Variants in TOGARAM2 observed in about 807,000 individuals in gnomAD.
The protein encoded by TOGARAM2 is TOG array regulator of axonemal microtubules protein 2.
TOGARAM2 carries 85 observed loss-of-function variants against 93.3 expected under a neutral mutation model. The ratio of observed to expected loss-of-function variants is 0.91; its 90% CI spans 0.76 to 1.09. TOGARAM2 has a LOEUF of 1.09. Ranked by LOEUF, TOGARAM2 falls within the 50% of genes least tolerant of loss-of-function variation. The probability of loss-of-function intolerance (pLI) is 0.00; values close to 1 mark genes in which losing one functional copy is unlikely to be tolerated. For synonymous variants in TOGARAM2, 593 were observed against 552.8 expected, an observed-to-expected ratio of 1.07 and a Z score of -1.02; for missense variants, 1,277 against 1,334.5, an observed-to-expected ratio of 0.96 and a Z score of 0.67.
chr2:29,039,086 T>G (rs1666282722), intron 18 of TOGARAM2, among the ~76,000 whole-genome samples: 1 of 151,934 alleles, frequency 6.6e-6, no homozygotes, highest in Non-Finnish European at 1.5e-5. Flanking sequence ...CAGCAGAGAG[T>G]GCATCAAATC....
rs200864313 is a variant in TOGARAM2 at position 29,006,092 on chromosome 2, TGG to T, written c.830+2413_830+2414del. 8.9e-3 allele frequency among the ~76,000 whole-genome samples: 627 copies of T among 70,264 alleles called. 19 individuals carry two copies. In the East Asian group the frequency reaches 0.12, roughly 13 times the overall value. 46.1% of individuals were successfully genotyped at this position (70,264 alleles called of 152,430 possible). ...ATGTGTGAGAGCACGTGTGTGTGTG[TGG>T]GGTGCATGTGTGTGGAGTGCATATG... On this transcript the variant is annotated intron_variant, in intron 6 of 19. Transcript: ENST00000379558.
intron 18 of TOGARAM2, among the ~76,000 whole-genome samples, chr2:29,041,574 C>T (rs1666438000): frequency 6.6e-6 from 1 of 152,180 alleles, no homozygotes; most frequent in Non-Finnish European, 1.5e-5. Flanking sequence ...TTCCCAGTAG[C>T]TGGAGGATGA....
rs757468335 is a variant in TOGARAM2 at position 29,022,174 on chromosome 2, G to A, written c.1377G>A (p.Ala459=). Residue 459 remains alanine, a synonymous_variant, in exon 11 of 20, where the codon GCG becomes GCA. Transcript: ENST00000379558. ...ARHASANSLP[A]VLTLGSPEWE... ...TGAATGCAGCTAACTCATTACCTGC[G>A]GTGCTCACGTTGGGGTCTCCTGAAT... The A allele has an allele frequency of 4.1e-5, 66 of 1,613,890 alleles. No individual in the cohort carries two copies. Among genetic ancestry groups the A allele is most frequent in the African/African-American group, 5.3e-5 (4 of 74,920 alleles).
At chr2:29,011,207 C>T (rs975909321) in intron 6 of TOGARAM2, among the ~76,000 whole-genome samples, 2 of 152,224 alleles carry the variant, frequency 1.3e-5, no homozygotes, top group African/African-American at 2.4e-5. Context: ...CTGGGGAATG[C>T]GCGAGCTGCA....
intron 14 of TOGARAM2, among the ~76,000 whole-genome samples, chr2:29,030,783 C>A (rs1572754947): frequency 6.6e-6 from 1 of 152,194 alleles, no homozygotes; most frequent in East Asian, 1.9e-4. Flanking sequence ...GTGGCTCCAG[C>A]CACCAGCAAA....
At position 29,036,539 on chromosome 2, in the gene TOGARAM2, A is replaced by T. The variant is rs758490527; in HGVS notation, c.2419-2A>T. On this transcript the variant is annotated splice_acceptor_variant, in intron 17 of 19. Transcript: ENST00000379558. LOFTEE classifies it high-confidence loss of function. Reference sequence around the variant, plus strand: ...GGCTCTTGGTTTCTGTTTCTTCAATAGGTCTTTGATGCTTTCACCCCAAGG... The same window carrying T: ...GGCTCTTGGTTTCTGTTTCTTCAATTGGTCTTTGATGCTTTCACCCCAAGG... The T allele has an allele frequency of 1.9e-6, 3 of 1,613,722 alleles. No individual in the cohort carries two copies. The highest frequency in any genetic ancestry group is 1.3e-5 in the African/African-American group (1 of 74,880).
chr2:29,051,525 A>T (rs1667066442), intron 19 of TOGARAM2: 2 of 391,362 alleles, frequency 5.1e-6, no homozygotes, highest in Admixed American at 4.5e-5. Context: ...ATAGTTTCTG[A>T]CTGGTTGGTA....
chr2:29,002,209 C>G (rs12994612), intron 4 of TOGARAM2, among the ~76,000 whole-genome samples: 64,941 of 152,038 alleles, frequency 0.43, 15,202 homozygotes, highest in East Asian at 0.76. Context: ...AGAGACAGTG[C>G]CTTGCTCGAG....
chr2:29,038,676 C>T (rs950562376), intron 18 of TOGARAM2, among the ~76,000 whole-genome samples: 6 of 152,028 alleles, frequency 3.9e-5, no homozygotes, highest in African/African-American at 1.5e-4. Context: ...AACTCCTGAC[C>T]TCAGGCGATC....
At chr2:28,988,433 C>G (rs181013296) in intron 1 of TOGARAM2, among the ~76,000 whole-genome samples, 1 of 152,072 alleles carries the variant, frequency 6.6e-6, no homozygotes, top group Non-Finnish European at 1.5e-5. Flanking sequence ...CTCCAGGGTC[C>G]GAGGACTGGT....
rs755265043 is a variant in TOGARAM2 at position 29,011,469 on chromosome 2, G to T, written c.845G>T (p.Ser282Ile). The change falls in exon 7 of 20, where the codon AGT (serine) becomes ATT (isoleucine). Residue 282 changes from serine to isoleucine, a missense_variant. Transcript: ENST00000379558. ...GTTCTTTTAAGATTGGCTCGGGGGA[G>T]TGGGCCTCGGGAGAAGACCCCTGCA... is the stretch of plus-strand genomic sequence containing the variant. ...RAPRTRLARG[S>I]GPREKTPASL... is the part of the protein sequence containing the mutation. 6.2e-7 allele frequency: 1 copy of T among 1,608,150 alleles called. No homozygotes were observed. The highest frequency in any genetic ancestry group is 1.1e-5 in the South Asian group (1 of 90,200).
rs1666134652 is a variant in TOGARAM2, at chr2:29,036,681, A to T, written c.2559A>T (p.Ala853=). ...PMLLSIIITV[A]DNLNSKNSGI... ...TGCTCTCCATCATCATCACTGTTGC[A>T]GACAACCTCAACTCCAAGAACTCAG... is the stretch of plus-strand genomic sequence containing the variant. Residue 853 remains alanine (A), a synonymous_variant, in exon 18 of 20, where the codon GCA becomes GCT. Coordinates refer to ENST00000379558, the MANE Select transcript of TOGARAM2 (RefSeq NM_199280.4). 13 of 1,613,870 alleles carry T rather than the reference A, an allele frequency of 8.1e-6. No homozygotes were observed. The highest frequency in any genetic ancestry group is 1.0e-5 in the Non-Finnish European group (12 of 1,179,894).
chr2:28,977,647 C>A (rs952871105), upstream of TOGARAM2, among the ~76,000 whole-genome samples: 5 of 152,186 alleles, frequency 3.3e-5, no homozygotes, highest in Admixed American at 1.3e-4. Flanking sequence ...CCATGTGGAA[C>A]CTGGCTGGCG....
intron 1 of TOGARAM2, among the ~76,000 whole-genome samples, chr2:28,988,981 C>T (rs1314667941): frequency 6.6e-6 from 1 of 152,324 alleles, no homozygotes; most frequent in Non-Finnish European, 1.5e-5. Context: ...CCTTCTCTAC[C>T]CATCTCTGCT....
intron 1 of TOGARAM2, among the ~76,000 whole-genome samples, chr2:28,975,584 G>T (rs1257638448): frequency 6.6e-6 from 1 of 152,124 alleles, no homozygotes; most frequent in Non-Finnish European, 1.5e-5. Context: ...AGAAATCCTT[G>T]TTAGAGAATC....
intron 10 of TOGARAM2, 121 bp from the exon 11 acceptor site, chr2:29,022,037 C>G: frequency 7.6e-7 from 1 of 1,323,192 alleles, no homozygotes; most frequent in African/African-American, 1.5e-5. Context: ...GTACACCCTC[C>G]CTGTTAGGTG....
upstream of TOGARAM2, among the ~76,000 whole-genome samples, chr2:28,979,480 G>T (rs557009630): frequency 1.3e-5 from 2 of 152,322 alleles, no homozygotes; most frequent in Admixed American, 6.5e-5. Flanking sequence ...GGGCTTCAGA[G>T]CCCTGGTTCT....
chr2:29,005,712 AGTGCATGT>A lies in TOGARAM2; in HGVS notation c.830+2042_830+2049del, dbSNP rs1352213709. On this transcript the variant is annotated intron_variant, in intron 6 of 19. Transcript: ENST00000379558. ...CATGTGTGGAGTGCGTGCATGTGTG[AGTGCATGT>A]GTGCATGTGTGTGAGCACATATATG... Among the ~76,000 whole-genome samples the A allele has an allele frequency of 3.0e-5, 3 of 98,468 alleles. 1 individual carries two copies. The highest frequency in any genetic ancestry group is 1.1e-4 in the African/African-American group (3 of 27,360). 64.6% of individuals were successfully genotyped at this position (98,468 alleles called of 152,430 possible). A position where few individuals can be genotyped will look rare whatever the true frequency, so the allele number is the denominator to read the frequency against.
At chr2:28,966,392 C>T (rs1347483023) in intron 1 of TOGARAM2, among the ~76,000 whole-genome samples, 2 of 152,034 alleles carry the variant, frequency 1.3e-5, no homozygotes, top group African/African-American at 2.4e-5. Flanking sequence ...CCACCTCCGG[C>T]GTTCAAGCGA....
Sources: allele counts gnomAD v4.1 joint callset (sites outside exome capture counted in the v4.1 genomes callset), GRCh38; gene constraint gnomAD v4.1.1; transcripts MANE v1.5; gene names NCBI Gene and HGNC (gene_info 2026-07-23, HGNC 2026-07-21).